Variants in CSMD1 observed in about 807,000 individuals in gnomAD.
CSMD1 encodes CUB and Sushi multiple domains 1.
CSMD1 carries 213 observed loss-of-function variants against 417.5 expected under a neutral mutation model. That is an observed-to-expected ratio of 0.51 (90% CI 0.46 to 0.57). CSMD1 has a LOEUF of 0.57. Among genes scored for constraint, CSMD1 ranks in the 20% least tolerant of loss-of-function variants. CSMD1 has a pLI of 0.00. For synonymous variants in CSMD1, 2,862 were observed against 1,736.8 expected, an observed-to-expected ratio of 1.65 and a Z score of -16.11; for missense variants, 6,923 against 4,529.7, an observed-to-expected ratio of 1.53 and a Z score of -15.17.
chr8:4,230,044 C>T (rs1162746187), intron 3 of CSMD1, among the ~76,000 whole-genome samples: 1 of 152,170 alleles, frequency 6.6e-6, no homozygotes, highest in Non-Finnish European at 1.5e-5. Flanking sequence ...ATAAGAACAT[C>T]TTACGTGCGT....
At chr8:4,253,811 A>T (rs1803250597) in intron 3 of CSMD1, among the ~76,000 whole-genome samples, 1 of 151,952 alleles carries the variant, frequency 6.6e-6, no homozygotes, top group African/African-American at 2.4e-5. Flanking sequence ...AAGACAAATA[A>T]TCAACACCAT....
chr8:4,364,241 T>C (rs113939870), intron 3 of CSMD1, among the ~76,000 whole-genome samples: 4 of 152,222 alleles, frequency 2.6e-5, no homozygotes, highest in African/African-American at 7.2e-5. Context: ...ACATTAAAAA[T>C]GCTTTACATC....
intron 3 of CSMD1, among the ~76,000 whole-genome samples, chr8:4,178,585 A>G (rs1314071547): frequency 2.6e-5 from 4 of 151,630 alleles, no homozygotes; most frequent in Non-Finnish European, 2.9e-5. Context: ...GGCCAGGGCA[A>G]TTAGGCAGGA....
chr8:4,317,513 T>G (rs1799002601), intron 3 of CSMD1, among the ~76,000 whole-genome samples: 1 of 152,204 alleles, frequency 6.6e-6, no homozygotes, highest in African/African-American at 2.4e-5. Flanking sequence ...CTAAGGTAAG[T>G]GACTTTTCTT....
chr8:3,807,609 A>T (rs756491062), intron 5 of CSMD1, among the ~76,000 whole-genome samples: 11 of 152,204 alleles, frequency 7.2e-5, no homozygotes, highest in Non-Finnish European at 1.2e-4. Flanking sequence ...TTTAAATAAC[A>T]TAATTGTGTT....
intron 37 of CSMD1, among the ~76,000 whole-genome samples, chr8:3,179,572 G>A (rs1821182666): frequency 6.6e-6 from 1 of 152,130 alleles, no homozygotes; most frequent in Admixed American, 6.6e-5. Flanking sequence ...ATATCTCACT[G>A]TATATAATAA....
intron 2 of CSMD1, among the ~76,000 whole-genome samples, chr8:4,579,544 A>G (rs1799315450): frequency 6.6e-6 from 1 of 151,948 alleles, no homozygotes; most frequent in African/African-American, 2.4e-5. Flanking sequence ...TTGTATTTTT[A>G]GTAGAGATGG....
At chr8:3,546,230 G>A (rs188318612) in intron 10 of CSMD1, among the ~76,000 whole-genome samples, 1 of 151,872 alleles carries the variant, frequency 6.6e-6, no homozygotes, top group African/African-American at 2.4e-5. Context: ...TATGCAGATA[G>A]TGCCCTCAAT....
chr8:4,849,007 C>A (rs1193527270), intron 1 of CSMD1, among the ~76,000 whole-genome samples: 2 of 151,550 alleles, frequency 1.3e-5, no homozygotes, highest in African/African-American at 4.9e-5. Context: ...GAGAATAAAG[C>A]GTTGTCATCC....
intron 3 of CSMD1, among the ~76,000 whole-genome samples, chr8:4,282,313 C>T (rs1420317149): frequency 2.0e-5 from 3 of 152,126 alleles, no homozygotes; most frequent in Non-Finnish European, 4.4e-5. Flanking sequence ...AACACTGGAG[C>T]ACGCCCAAGG....
chr8:3,407,234 C>T (rs6990498), intron 14 of CSMD1, among the ~76,000 whole-genome samples: 76,057 of 150,134 alleles, frequency 0.51, 19,682 homozygotes, highest in Middle Eastern at 0.62. Flanking sequence ...ATGGACAAAA[C>T]GATGGAAGGG....
intron 1 of CSMD1, among the ~76,000 whole-genome samples, chr8:4,717,509 A>T (rs991307396): frequency 6.6e-5 from 10 of 151,580 alleles, no homozygotes; most frequent in African/African-American, 2.4e-4. Flanking sequence ...TACCTATGAC[A>T]AGATTCAGTT....
intron 3 of CSMD1, among the ~76,000 whole-genome samples, chr8:4,282,698 C>A (rs1274930196): frequency 1.3e-5 from 2 of 152,186 alleles, no homozygotes; most frequent in Middle Eastern, 3.4e-3. Flanking sequence ...TGACAGCATC[C>A]TAACAACTCA....
intron 1 of CSMD1, among the ~76,000 whole-genome samples, chr8:4,728,714 A>G (rs182383095): frequency 1.3e-5 from 2 of 152,098 alleles, no homozygotes; most frequent in Non-Finnish European, 2.9e-5. Context: ...TCTATTTGTG[A>G]TCGTATTTCA....
chr8:4,979,523 C>G (rs77276664), intron 1 of CSMD1, among the ~76,000 whole-genome samples: 3,432 of 152,130 alleles, frequency 0.023, 142 homozygotes, highest in African/African-American at 0.079. Context: ...ATAAGATACT[C>G]ACTGTCTACC....
intron 1 of CSMD1, among the ~76,000 whole-genome samples, chr8:4,959,881 C>A (rs749386155): frequency 6.6e-6 from 1 of 152,166 alleles, no homozygotes; most frequent in Non-Finnish European, 1.5e-5. Flanking sequence ...GAGGTGAACT[C>A]CCTCATTAGA....
rs574496027 is a variant in CSMD1 at position 4,459,945 on chromosome 8, C to T, written c.303-39880G>A. On this transcript the variant is annotated intron_variant, in intron 2 of 69. Coordinates refer to ENST00000635120, the MANE Select transcript of CSMD1 (RefSeq NM_033225.6). Reference sequence around the variant, plus strand: ...CAATAATGACTGTTCTACTCATTTTCATAGAGGAACAGAACAATCTAGCCA... The same window carrying T: ...CAATAATGACTGTTCTACTCATTTTTATAGAGGAACAGAACAATCTAGCCA... 9.9e-5 allele frequency among the ~76,000 whole-genome samples: 15 copies of T among 152,226 alleles called. No individual in the cohort carries two copies. In the South Asian group the frequency reaches 3.1e-3, roughly 32 times the overall value.
At chr8:4,719,054 A>G (rs1446099396) in intron 1 of CSMD1, among the ~76,000 whole-genome samples, 2 of 152,214 alleles carry the variant, frequency 1.3e-5, no homozygotes, top group African/African-American at 2.4e-5. Flanking sequence ...TGGTGAAGAA[A>G]AAAAAGAGAG....
At chr8:4,455,579 A>G (rs979504363) in intron 2 of CSMD1, among the ~76,000 whole-genome samples, 2 of 152,116 alleles carry the variant, frequency 1.3e-5, no homozygotes, top group Non-Finnish European at 2.9e-5. Context: ...GTGAGATCAA[A>G]TTGACAAATT....
Sources: allele counts gnomAD v4.1 joint callset (sites outside exome capture counted in the v4.1 genomes callset), GRCh38; gene constraint gnomAD v4.1.1; transcripts MANE v1.5; gene names NCBI Gene and HGNC (gene_info 2026-07-23, HGNC 2026-07-21).